Variants in COG5 observed in about 807,000 individuals in gnomAD.
COG5 encodes the protein component of oligomeric golgi complex 5.
In COG5, 86 loss-of-function variants were observed where a neutral mutation model predicts 110.4. The ratio of observed to expected loss-of-function variants is 0.78; its 90% confidence interval spans 0.65 to 0.93. COG5 has a LOEUF of 0.93. COG5 is among the 40% of genes least tolerant of loss of function. The pLI is 0.00. For synonymous variants in COG5, 360 were observed against 334.6 expected, an observed-to-expected ratio of 1.08 and a Z score of -0.83; for missense variants, 1,077 against 987.0, an observed-to-expected ratio of 1.09 and a Z score of -1.22.
intron 19 of COG5, among the ~76,000 whole-genome samples, chr7:107,223,155 T>C (rs1800070247): frequency 6.6e-6 from 1 of 152,186 alleles, no homozygotes; most frequent in Non-Finnish European, 1.5e-5. Flanking sequence ...TAAGTATGCG[T>C]ACTGAGGTCT....
At chr7:107,207,269 C>T (rs1015064696) in intron 21 of COG5, among the ~76,000 whole-genome samples, 3 of 152,142 alleles carry the variant, frequency 2.0e-5, no homozygotes, top group African/African-American at 7.2e-5. Flanking sequence ...TAGCTAGTGA[C>T]ATGGTACCAG....
intron 1 of COG5, among the ~76,000 whole-genome samples, chr7:107,562,851 A>G (rs949174200): frequency 8.5e-5 from 13 of 152,240 alleles, no homozygotes; most frequent in African/African-American, 3.1e-4. Flanking sequence ...AAATGTGTGC[A>G]TGTGCTTCTA....
At chr7:107,500,011 T>C (rs530400779) in intron 6 of COG5, among the ~76,000 whole-genome samples, 23 of 152,212 alleles carry the variant, frequency 1.5e-4, no homozygotes, top group African/African-American at 5.3e-4. Flanking sequence ...AGCAATTAAG[T>C]AGTCCCTTCC....
At chr7:107,311,190 T>C (rs1432606909) in intron 11 of COG5, among the ~76,000 whole-genome samples, 1 of 152,088 alleles carries the variant, frequency 6.6e-6, no homozygotes, top group South Asian at 2.1e-4. Flanking sequence ...AACTCACAAA[T>C]GCCCCTCCAT....
intron 14 of COG5, among the ~76,000 whole-genome samples, chr7:107,279,920 CT>C (rs1440233708): frequency 6.6e-6 from 1 of 151,972 alleles, no homozygotes; most frequent in Non-Finnish European, 1.5e-5. Context: ...TCGTCTAAGC[CT>C]TTTGCCATTA....
intron 14 of COG5, among the ~76,000 whole-genome samples, chr7:107,273,790 A>C (rs1804471605): frequency 6.6e-6 from 1 of 152,148 alleles, no homozygotes; most frequent in South Asian, 2.1e-4. Flanking sequence ...GAGACTAAAA[A>C]AACTTCATAT....
intron 6 of COG5, among the ~76,000 whole-genome samples, chr7:107,476,320 T>C (rs1796994602): frequency 1.3e-5 from 2 of 151,326 alleles, no homozygotes; most frequent in African/African-American, 4.8e-5. Flanking sequence ...AAAAAGACTT[T>C]AAATCATTAT....
chr7:107,497,470 C>CA (rs1196078459), intron 6 of COG5, among the ~76,000 whole-genome samples: 1 of 152,014 alleles, frequency 6.6e-6, no homozygotes, highest in Non-Finnish European at 1.5e-5. Flanking sequence ...AATCAACACA[C>CA]AAAAATCAGT....
chr7:107,500,315 G>A lies in COG5; in HGVS notation c.538+26922C>T, dbSNP rs567938486. Among the ~76,000 whole-genome samples, 148 of 152,230 alleles carry A rather than the reference G, an allele frequency of 9.7e-4. 2 individuals carry two copies. The South Asian group carries it at 0.011, about 11-fold the overall frequency. On this transcript the variant is annotated intron_variant, in intron 6 of 21. Coordinates refer to ENST00000297135, the MANE Select transcript of COG5 (RefSeq NM_006348.5). ...GCGACTCTGGATAAACTTGAGAAGT[G>A]AACAACTGAACTTCCAGAGCCCTAG...
chr7:107,414,753 A>C (rs1792585924), intron 6 of COG5, among the ~76,000 whole-genome samples: 1 of 95,512 alleles, frequency 1.0e-5, no homozygotes, highest in African/African-American at 3.7e-5. Context: ...TCCGAGACTC[A>C]GTCTTGCTCT....
chr7:107,555,891 G>A (rs3753114), intron 2 of COG5, among the ~76,000 whole-genome samples: 18,183 of 151,966 alleles, frequency 0.12, 2,828 homozygotes, highest in African/African-American at 0.36. Context: ...GTGCACACCT[G>A]TAATCTCAGC....
At chr7:107,341,732 C>T (rs973918768) in intron 10 of COG5, among the ~76,000 whole-genome samples, 2 of 152,036 alleles carry the variant, frequency 1.3e-5, no homozygotes, top group African/African-American at 4.8e-5. Context: ...CACCTACAGC[C>T]ATCTGACAAA....
chr7:107,436,697 T>C (rs1794391145), intron 6 of COG5, among the ~76,000 whole-genome samples: 1 of 152,182 alleles, frequency 6.6e-6, no homozygotes, highest in Admixed American at 6.5e-5. Context: ...GAAATGTTAA[T>C]TTTTGCTTTC....
chr7:107,533,562 A>T (rs2129162365), intron 5 of COG5, among the ~76,000 whole-genome samples: 1 of 151,820 alleles, frequency 6.6e-6, no homozygotes, highest in Non-Finnish European at 1.5e-5. Context: ...AAGAAAGGAT[A>T]TCAGAGACTG....
intron 19 of COG5, among the ~76,000 whole-genome samples, chr7:107,211,935 C>T (rs1799208361): frequency 1.3e-5 from 2 of 152,272 alleles, no homozygotes; most frequent in African/African-American, 4.8e-5. Flanking sequence ...GAGCTGTGGA[C>T]ATTGAATCCC....
intron 7 of COG5, among the ~76,000 whole-genome samples, chr7:107,407,986 AGAT>A (rs1475243886): frequency 6.6e-6 from 1 of 152,256 alleles, no homozygotes; most frequent in South Asian, 2.1e-4. Flanking sequence ...CCTTATATTA[AGAT>A]CACTGTGGAA....
At chr7:107,252,670 G>C (rs1802606992) in intron 16 of COG5, among the ~76,000 whole-genome samples, 1 of 151,958 alleles carries the variant, frequency 6.6e-6, no homozygotes, top group South Asian at 2.1e-4. Context: ...AAGTAAATCA[G>C]TATCCAGGAA....
At chr7:107,498,161 A>C (rs574176474) in intron 6 of COG5, among the ~76,000 whole-genome samples, 5 of 152,222 alleles carry the variant, frequency 3.3e-5, no homozygotes, top group Non-Finnish European at 7.4e-5. Flanking sequence ...TAGCCGTTAG[A>C]CCTGAAACTG....
chr7:107,299,184 A>G (rs1807026490), intron 11 of COG5, among the ~76,000 whole-genome samples: 2 of 152,150 alleles, frequency 1.3e-5, no homozygotes, highest in South Asian at 4.1e-4. Context: ...TAAAGCTCTG[A>G]GAACAGATAT....
Sources: gnomAD v4.1 joint callset for allele counts (sites outside exome capture counted in the v4.1 genomes callset) on GRCh38, gnomAD v4.1.1 for gene constraint, MANE v1.5 for transcripts, NCBI Gene and HGNC (gene_info 2026-07-23, HGNC 2026-07-21) for gene names.